The following SHANK2 variants were observed in gnomAD, a reference collection of about 807,000 sequenced individuals.
The protein encoded by SHANK2 is SH3 and multiple ankyrin repeat domains 2.
SHANK2 carries 43 observed loss-of-function variants against 133.7 expected under a neutral mutation model. That is an observed-to-expected ratio of 0.32 (90% CI 0.25 to 0.41). SHANK2 has a LOEUF of 0.41. Among genes scored for constraint, SHANK2 ranks in the 10% least tolerant of loss-of-function variants. SHANK2 has a pLI of 1.00. For missense variants in SHANK2, 1,994 were observed against 2,235.8 expected (o/e 0.89, Z 2.18); for synonymous variants, 1,017 against 952.8 (o/e 1.07, Z -1.24).
intron 3 of SHANK2, among the ~76,000 whole-genome samples, chr11:71,126,216 C>CAA (rs1170621448): frequency 0.18 from 11,582 of 63,844 alleles, 2,549 homozygotes; most frequent in South Asian, 0.31. Context: ...GACTCCGTCT[C>CAA]AAAAAAAAAA....
At chr11:71,217,632 G>A (rs782533225) in intron 2 of SHANK2, among the ~76,000 whole-genome samples, 39 of 152,210 alleles carry the variant, frequency 2.6e-4, no homozygotes, top group Non-Finnish European at 3.4e-4. Flanking sequence ...CCAGTGGGAC[G>A]AGATGCAGAG....
chr11:70,659,166 G>C (rs2061448819), intron 17 of SHANK2, among the ~76,000 whole-genome samples: 2 of 152,180 alleles, frequency 1.3e-5, no homozygotes, highest in South Asian at 4.1e-4. Context: ...CGTAGGGACT[G>C]TTTGCAGAGC....
intron 1 of SHANK2, among the ~76,000 whole-genome samples, chr11:71,242,218 AGGGGCTGGGAGAAG>A (rs1459372903): frequency 1.3e-5 from 2 of 151,976 alleles, no homozygotes; most frequent in African/African-American, 2.4e-5. Flanking sequence ...GGTGGTCGCC[AGGGGCTGGGAGAAG>A]GGGGCTGGTT....
intron 12 of SHANK2, among the ~76,000 whole-genome samples, chr11:70,812,456 T>C (rs1555053407): frequency 6.6e-6 from 1 of 152,130 alleles, no homozygotes; most frequent in African/African-American, 2.4e-5. Flanking sequence ...GGTGAGAAAA[T>C]GGAGGCTCCA....
chr11:70,671,450 G>T (rs1188259780), intron 15 of SHANK2, among the ~76,000 whole-genome samples: 1 of 152,212 alleles, frequency 6.6e-6, no homozygotes, highest in African/African-American at 2.4e-5. Flanking sequence ...GACCACAGTG[G>T]GGTGGGAAGC....
At chr11:70,534,985 C>A (rs1409118787) in intron 17 of SHANK2, among the ~76,000 whole-genome samples, 1 of 152,154 alleles carries the variant, frequency 6.6e-6, no homozygotes, top group African/African-American at 2.4e-5. Flanking sequence ...GAAACACTGA[C>A]AAAGGAGCCA....
chr11:70,809,920 C>T (rs782800164), intron 12 of SHANK2, among the ~76,000 whole-genome samples: 1 of 152,230 alleles, frequency 6.6e-6, no homozygotes, highest in Non-Finnish European at 1.5e-5. Flanking sequence ...CAGTCACAGA[C>T]TCCTGGGGGC....
chr11:70,583,071 T>C (rs972588818), intron 17 of SHANK2, among the ~76,000 whole-genome samples: 34 of 151,758 alleles, frequency 2.2e-4, no homozygotes, highest in African/African-American at 5.3e-4. Context: ...AGAGGGAAGA[T>C]TGGGGGAGAA....
At chr11:70,915,485 A>T (rs1407998915) in intron 10 of SHANK2, among the ~76,000 whole-genome samples, 5 of 152,158 alleles carry the variant, frequency 3.3e-5, no homozygotes, top group Admixed American at 6.5e-5. Flanking sequence ...ATGGGAAGGG[A>T]CGGTGCCATC....
intron 2 of SHANK2, among the ~76,000 whole-genome samples, chr11:71,218,351 G>A (rs936024213): frequency 4.3e-5 from 6 of 141,104 alleles, no homozygotes; most frequent in Admixed American, 2.3e-4. Context: ...CGCAACCTGC[G>A]CCTCCCAGGT....
intron 11 of SHANK2, among the ~76,000 whole-genome samples, chr11:70,851,488 T>C (rs1949085552): frequency 6.6e-6 from 1 of 152,190 alleles, no homozygotes; most frequent in African/African-American, 2.4e-5. Flanking sequence ...CTCCTGCCCC[T>C]TTCTCCTTTC....
At chr11:70,520,452 G>A (rs971088630) in intron 17 of SHANK2, among the ~76,000 whole-genome samples, 5 of 152,110 alleles carry the variant, frequency 3.3e-5, no homozygotes, top group Admixed American at 3.3e-4. Flanking sequence ...TTAGACTGAG[G>A]TATATATGGG....
At chr11:70,559,756 C>T (rs2059882740) in intron 17 of SHANK2, among the ~76,000 whole-genome samples, 2 of 152,156 alleles carry the variant, frequency 1.3e-5, no homozygotes, top group African/African-American at 4.8e-5. Flanking sequence ...GCGCCCTGCC[C>T]AGTCCCCTCC....
intron 3 of SHANK2, among the ~76,000 whole-genome samples, chr11:71,126,185 T>C (rs1297882285): frequency 8.8e-6 from 1 of 113,668 alleles, no homozygotes; most frequent in East Asian, 3.0e-4. Context: ...GCCACTGCAC[T>C]CCAGCCTGGT....
Position 71,082,071 on chromosome 11 carries a change from TC to T in SHANK2, c.913-6797del, listed in dbSNP as rs1199220372. ...AAGGGCCAGAACCCTGTTCACAATG[TC>T]CCCCCGGAGCCAATGCATGCCAGCT... On this transcript the variant is annotated intron_variant, in intron 8 of 25. Coordinates refer to ENST00000601538, the MANE Select transcript of SHANK2 (RefSeq NM_012309.5). 2.9e-3 allele frequency among the ~76,000 whole-genome samples: 434 copies of T among 152,158 alleles called. 6 individuals carry two copies. The highest frequency in any genetic ancestry group is 6.8e-3 in the Middle Eastern group (2 of 294).
intron 7 of SHANK2, 87 bp downstream of exon 7, chr11:71,094,450 T>A: frequency 7.4e-7 from 1 of 1,348,272 alleles, no homozygotes; most frequent in African/African-American, 1.4e-5. Context: ...ACGGACCCCC[T>A]AGGATGGGCA....
intron 15 of SHANK2, among the ~76,000 whole-genome samples, chr11:70,685,967 C>T (rs754224584): frequency 1.3e-5 from 2 of 152,072 alleles, no homozygotes; most frequent in African/African-American, 4.8e-5. Context: ...ATCCATGGGT[C>T]CACCCATGCA....
At chr11:70,769,405 T>C (rs1947196000) in intron 14 of SHANK2, among the ~76,000 whole-genome samples, 1 of 152,154 alleles carries the variant, frequency 6.6e-6, no homozygotes, top group African/African-American at 2.4e-5. Context: ...GCCAGGAGCT[T>C]CAGGAACAAC....
In SHANK2 at chr11:70,547,338, G is replaced by A. The variant is rs573949845; in HGVS notation, c.2062-44407C>T. On this transcript the variant is annotated intron_variant, in intron 17 of 25. Coordinates refer to ENST00000601538, the MANE Select transcript of SHANK2 (RefSeq NM_012309.5). ...TGCAGTGGTACAATATCGGCTCACT[G>A]CAACCTCCACCTCTTGGGTTCAAGC... is the stretch of plus-strand genomic sequence containing the variant. Among the ~76,000 whole-genome samples, 22 of 152,230 alleles carry A rather than the reference G, an allele frequency of 1.4e-4. No individual in the cohort carries two copies. The South Asian group carries it at 2.5e-3, about 17-fold the overall frequency.
Sources: gnomAD v4.1 joint callset for allele counts (sites outside exome capture counted in the v4.1 genomes callset) on GRCh38, gnomAD v4.1.1 for gene constraint, MANE v1.5 for transcripts, NCBI Gene and HGNC (gene_info 2026-07-23, HGNC 2026-07-21) for gene names.